Variants in MRPS18C observed in about 807,000 individuals in gnomAD.
The protein encoded by MRPS18C is small ribosomal subunit protein bS18m.
Under a neutral mutation model 21.0 loss-of-function variants are expected in MRPS18C, and 21 were observed. The observed-to-expected ratio is 1.00, with a 90% CI of 0.71 to 1.44. MRPS18C has a LOEUF of 1.44. Ranked by LOEUF, MRPS18C falls within the 40% of genes most tolerant of loss-of-function variation. The pLI is 0.00. For synonymous variants in MRPS18C, 65 were observed against 54.3 expected, an observed-to-expected ratio of 1.20 and a Z score of -0.87; for missense variants, 152 against 171.5, an observed-to-expected ratio of 0.89 and a Z score of 0.64.
chr4:83,458,249 T>C, intron 2 of MRPS18C, 97 bp from the exon 3 acceptor site: 1 of 845,280 alleles, frequency 1.2e-6, no homozygotes, highest in Non-Finnish European at 1.9e-6. Context: ...AAGAAAGGTA[T>C]AACTAATCCT....
Position 83,456,161 on chromosome 4 carries a change from T to A in MRPS18C, c.84T>A (p.His28Gln), listed in dbSNP as rs902944164. 1.2e-6 allele frequency: 2 copies of A among 1,612,628 alleles called. No individual in the cohort carries two copies. The highest frequency in any genetic ancestry group is 2.7e-5 in the African/African-American group (2 of 74,822). Reference sequence around the variant, plus strand: ...TAACGGCTGCTGTCAGCCTTACACATCCCGGGACTCACACGGGTAAAGTCT... The same window carrying A: ...TAACGGCTGCTGTCAGCCTTACACAACCCGGGACTCACACGGGTAAAGTCT... ...HLVTAAVSLT[H>Q]PGTHTVLWRR... Residue 28 changes from histidine to glutamine, a missense_variant, in exon 1 of 6, where the codon CAT becomes CAA. Transcript: ENST00000295491.
rs1464580200 is a variant in MRPS18C, at chr4:83,459,798, G to T, written c.292+1G>T. ...TGCATTTATGGAAGGCACATTACAG[G>T]TATGTTCTTTTTTATTATGGGAATA... On this transcript the variant is annotated splice_donor_variant, in intron 4 of 5. Transcript: ENST00000295491. LOFTEE classifies it high-confidence loss of function. The T allele has an allele frequency of 1.9e-6, 3 of 1,592,824 alleles. No homozygotes were observed.
Position 83,462,031 on chromosome 4 carries a change from T to C in MRPS18C, c.*834T>C, listed in dbSNP as rs1457854801. ...AAATTTTCATATAAATTTCTTTCCA[T>C]ATTTTGAAAATAAGGCTATTCTTGC... On this transcript the variant is annotated 3_prime_UTR_variant, in exon 6 of 6. Coordinates refer to ENST00000295491, the MANE Select transcript of MRPS18C (RefSeq NM_016067.4). The C allele has an allele frequency of 4.4e-6, 1 of 228,854 alleles. No individual in the cohort carries two copies. The highest frequency in any genetic ancestry group is 5.7e-5 in the Admixed American group (1 of 17,640). 14.2% of individuals were successfully genotyped at this position (228,854 alleles called of 1,614,324 possible). A position where few individuals can be genotyped will look rare whatever the true frequency, so the allele number is the denominator to read the frequency against.
chr4:83,458,837 G>A (rs111297501), intron 3 of MRPS18C: 4,428 of 164,164 alleles, frequency 0.027, 79 homozygotes, highest in Non-Finnish European at 0.035. Flanking sequence ...TTTGGGGCAA[G>A]TGAATAGCGC....
At chr4:83,457,468 T>G (rs1397754972) in intron 2 of MRPS18C, 3 of 152,686 alleles carry the variant, frequency 2.0e-5, no homozygotes, top group African/African-American at 2.4e-5. Context: ...ACAAAGCACT[T>G]GGCACAGAGC....
rs1460047703 is a variant in MRPS18C at position 83,456,963 on chromosome 4, G to T, written c.150+5G>T. 16 of 1,610,804 alleles carry T rather than the reference G, an allele frequency of 9.9e-6. No individual in the cohort carries two copies. The South Asian group carries it at 1.8e-4, about 18-fold the overall frequency. On this transcript the variant is annotated splice_donor_5th_base_variant and intron_variant, in intron 2 of 5. Coordinates refer to ENST00000295491, the MANE Select transcript of MRPS18C (RefSeq NM_016067.4). ...GTATCCAGCAATGAGGACCTGGTAAGAATTTTTTTTTCTATTAGTAAGGCC... is the reference window on the plus strand; with the variant it reads ...GTATCCAGCAATGAGGACCTGGTAATAATTTTTTTTTCTATTAGTAAGGCC...
rs111266400 is a variant in MRPS18C at position 83,459,649 on chromosome 4, A to G, written c.235-91A>G. The G allele has an allele frequency of 1.1e-3, 1,197 of 1,113,172 alleles. 11 individuals are homozygous for G. In the African/African-American group the frequency reaches 0.017, roughly 15 times the overall value. 69.0% of individuals were successfully genotyped at this position (1,113,172 alleles called of 1,614,324 possible). A position where few individuals can be genotyped will look rare whatever the true frequency, so the allele number is the denominator to read the frequency against. On this transcript the variant is annotated intron_variant, in intron 3 of 5. Transcript: ENST00000295491. Reference sequence around the variant, plus strand: ...TGTGTCTGAAATTTAGTAAAGCTTTATATAACCTGAAGGTTGTTTTTTGAA... The same window carrying G: ...TGTGTCTGAAATTTAGTAAAGCTTTGTATAACCTGAAGGTTGTTTTTTGAA...
At chr4:83,460,081 G>A (rs1179217054) in intron 4 of MRPS18C, 4 of 227,014 alleles carry the variant, frequency 1.8e-5, no homozygotes, top group Non-Finnish European at 2.5e-5. Flanking sequence ...ACTTAAACTT[G>A]GTGTCAGCAA....
chr4:83,457,312 A>G, intron 2 of MRPS18C: 1 of 190,668 alleles, frequency 5.2e-6, no homozygotes, highest in Non-Finnish European at 1.1e-5. Context: ...GGAATTTTAA[A>G]AGGTAGTTTG....
Position 83,461,841 on chromosome 4 carries a change from A to C in MRPS18C, c.*644A>C. The stretch of plus-strand genomic sequence containing the variant: ...GTTTGTGTTGTGTTATAGTTGTGTA[A>C]TAATTAAGGCTGCCAGATTTAGCAA... On this transcript the variant is annotated 3_prime_UTR_variant, in exon 6 of 6. Transcript: ENST00000295491. 4.4e-6 allele frequency: 1 copy of C among 228,074 alleles called. No individual in the cohort carries two copies. The highest frequency in any genetic ancestry group is 8.7e-6 in the Non-Finnish European group (1 of 114,998). 14.1% of individuals were successfully genotyped at this position (228,074 alleles called of 1,614,324 possible).
chr4:83,458,166 G>C (rs1319374251), intron 2 of MRPS18C, 180 bp from the exon 3 acceptor site: 1 of 496,538 alleles, frequency 2.0e-6, no homozygotes, highest in Non-Finnish European at 3.5e-6. Flanking sequence ...CTTTATTCCA[G>C]AATCTTCCCA....
At chr4:83,457,379 G>A (rs1721890500) in intron 2 of MRPS18C, 1 of 160,762 alleles carries the variant, frequency 6.2e-6, no homozygotes, top group Non-Finnish European at 1.4e-5. Context: ...GCTATAGGTT[G>A]GCTATAGTAT....
intron 3 of MRPS18C, chr4:83,458,703 G>T: frequency 3.4e-6 from 1 of 294,134 alleles, no homozygotes; most frequent in East Asian, 9.0e-5. Context: ...TTCTCAATTG[G>T]TGAGGGTCAG....
chr4:83,460,163 C>CT (rs36014997), intron 4 of MRPS18C: 80,555 of 146,844 alleles, frequency 0.55, 22,302 homozygotes, highest in East Asian at 0.66. Flanking sequence ...ACAAATGCCA[C>CT]TTTTTTTTTT....
intron 3 of MRPS18C, 188 bp from the exon 4 acceptor site, chr4:83,459,552 T>G (rs1721998752): frequency 1.5e-5 from 8 of 551,128 alleles, no homozygotes; most frequent in Non-Finnish European, 2.6e-5. Flanking sequence ...TATATAGACT[T>G]GACACACTGG....
In MRPS18C at chr4:83,460,996, G is replaced by A. The variant is rs1722083936; in HGVS notation, c.316G>A (p.Glu106Lys). 2 of 1,608,750 alleles carry A rather than the reference G, an allele frequency of 1.2e-6. No homozygotes were observed. Among genetic ancestry groups the A allele is most frequent in the African/African-American group, 2.7e-5 (2 of 74,426 alleles). The change falls in exon 5 of 6, where the codon GAA (glutamate) becomes AAA (lysine). Residue 106 changes from glutamate to lysine, a missense_variant. Glu to Lys is a moderately conservative substitution (Grantham distance 56). This residue lies in a region of MRPS18C where 34 missense variants were observed against 67.1 expected (regional missense o/e 0.51). Coordinates refer to ENST00000295491, the MANE Select transcript of MRPS18C (RefSeq NM_016067.4). The part of the protein sequence containing the change: ...ITGLCGKKQK[E>K]ITKAIKRAQI... The stretch of plus-strand genomic sequence containing the variant: ...AGGTCTTTGTGGGAAGAAACAGAAA[G>A]AAATCACAAAAGCAATTAAGAGAGC...
intron 1 of MRPS18C, 85 bp downstream of exon 1, chr4:83,456,262 A>AC: frequency 1.2e-4 from 101 of 817,762 alleles, no homozygotes; most frequent in East Asian, 2.2e-4. Flanking sequence ...CTGTTAGCAA[A>AC]ACGACTCTGG....
Position 83,460,866 on chromosome 4 carries a change from A to T in MRPS18C, c.293-107A>T. 1.2e-5 allele frequency: 11 copies of T among 901,742 alleles called. No individual in the cohort carries two copies. In the South Asian group the frequency reaches 1.6e-4, roughly 13 times the overall value. 55.9% of individuals were successfully genotyped at this position (901,742 alleles called of 1,614,324 possible). A position where few individuals can be genotyped will look rare whatever the true frequency, so the allele number is the denominator to read the frequency against. Reference sequence around the variant, plus strand: ...GGTTGCAGTGAGGCGAGAGAGCACCACTGTACTCCAGCCTGGGTGACACAG... The same window carrying T: ...GGTTGCAGTGAGGCGAGAGAGCACCTCTGTACTCCAGCCTGGGTGACACAG... On this transcript the variant is annotated intron_variant, in intron 4 of 5. Coordinates refer to ENST00000295491, the MANE Select transcript of MRPS18C (RefSeq NM_016067.4).
rs769907529 is a variant in MRPS18C, at chr4:83,456,861, T to C, written c.101-48T>C. 2.5e-6 allele frequency: 4 copies of C among 1,584,056 alleles called. No individual in the cohort carries two copies. The South Asian group carries it at 4.6e-5, about 18-fold the overall frequency. On this transcript the variant is annotated intron_variant, in intron 1 of 5. Transcript: ENST00000295491. ...CATAAAAACAAAAATCTTTAGCTAT[T>C]CAGCTAAGAAAAAGAAATGGTTAAT... is the stretch of plus-strand genomic sequence containing the variant.
Sources: gnomAD v4.1 joint callset for allele counts on GRCh38, gnomAD v4.1.1 for gene constraint, gnomAD v4.1.1 regional missense constraint, MANE v1.5 for transcripts, NCBI Gene and HGNC (gene_info 2026-07-23, HGNC 2026-07-21) for gene names.